The following DOP1B variants were observed in gnomAD, a reference collection of about 807,000 sequenced individuals.
DOP1B encodes the protein DOP1 leucine zipper like protein B.
DOP1B carries 174 observed loss-of-function variants against 233.5 expected under a neutral mutation model. The ratio of observed to expected loss-of-function variants is 0.75; its 90% CI spans 0.66 to 0.85. The LOEUF (loss-of-function observed/expected upper bound fraction) is 0.85. Ranked by LOEUF, DOP1B falls within the 40% of genes least tolerant of loss-of-function variation. DOP1B has a pLI of 0.00. For synonymous variants in DOP1B, 1,190 were observed against 1,185.6 expected (o/e 1.00, Z -0.08); for missense variants, 2,652 against 2,846.6 (o/e 0.93, Z 1.56).
chr21:36,227,550 A>AAAAAG lies in DOP1B; in HGVS notation c.1474-133_1474-132insAGAAA, dbSNP rs1555892258. ...CTACAGAGCAAGACTCTGTCAAAAA[A>AAAAAG]AAAGAAAGAAAGAAAGAAAGAAAAT... On this transcript the variant is annotated intron_variant, in intron 12 of 36. Transcript: ENST00000691173. The AAAAAG allele has an allele frequency of 6.9e-5, 58 of 846,444 alleles. 1 individual carries two copies. In the Middle Eastern group the frequency reaches 2.0e-3, roughly 28 times the overall value. The allele number at this position is 846,444 out of a possible 1,614,324, so 52.4% of individuals were successfully genotyped here. A position where few individuals can be genotyped will look rare whatever the true frequency, so the allele number is the denominator to read the frequency against.
intron 9 of DOP1B, among the ~76,000 whole-genome samples, chr21:36,215,297 C>T (rs902740482): frequency 1.8e-4 from 28 of 152,090 alleles, no homozygotes; most frequent in African/African-American, 5.1e-4. Flanking sequence ...GAGGGTTGAA[C>T]TAGACTCTGG....
chr21:36,242,151 C>CATTATTGTTGTTGTTGTTATT (rs60892353), intron 18 of DOP1B, among the ~76,000 whole-genome samples: 2 of 143,962 alleles, frequency 1.4e-5, no homozygotes, highest in Non-Finnish European at 3.0e-5. Flanking sequence ...GTTCCTTGGG[C>CATTATTGTTGTTGTTGTTATT]ATTATTATTA....
intron 2 of DOP1B, among the ~76,000 whole-genome samples, chr21:36,184,751 C>T (rs1157167829): frequency 3.9e-5 from 6 of 152,188 alleles, no homozygotes; most frequent in African/African-American, 1.4e-4. Flanking sequence ...AGCCCACGTG[C>T]GCTTCAGGTG....
intron 32 of DOP1B, among the ~76,000 whole-genome samples, chr21:36,287,559 CAA>C (rs1377729016): frequency 7.3e-6 from 1 of 137,140 alleles, no homozygotes; most frequent in Non-Finnish European, 1.6e-5. Context: ...ACTAGTTGCA[CAA>C]AAGCATCTCC....
At chr21:36,223,502 G>T (rs2066649356) in intron 11 of DOP1B, 152 bp downstream of exon 11, 1 of 1,013,642 alleles carries the variant, frequency 9.9e-7, no homozygotes, top group South Asian at 1.8e-5. Context: ...GGATTGGAAA[G>T]AATTCACTTA....
intron 18 of DOP1B, among the ~76,000 whole-genome samples, chr21:36,243,995 G>A (rs1257841777): frequency 7.5e-6 from 1 of 133,098 alleles, no homozygotes; most frequent in African/African-American, 2.9e-5. Context: ...ATAATTCACT[G>A]TACCTGGCCT....
chr21:36,260,669 A>C lies in DOP1B; in HGVS notation c.5260-8A>C. 6.2e-7 allele frequency: 1 copy of C among 1,613,648 alleles called. No homozygotes were observed. Among genetic ancestry groups the C allele is most frequent in the Non-Finnish European group, 8.5e-7 (1 of 1,179,888 alleles). On this transcript the variant is annotated splice_polypyrimidine_tract_variant and splice_region_variant and intron_variant, in intron 23 of 36. Transcript: ENST00000691173. Reference sequence around the variant, plus strand: ...ACTCGGAGTAATTGGTTTTACTTTCATTTTCAGAAATCGCCCCTAGTGGAC... The same window carrying C: ...ACTCGGAGTAATTGGTTTTACTTTCCTTTTCAGAAATCGCCCCTAGTGGAC...
intron 14 of DOP1B, among the ~76,000 whole-genome samples, chr21:36,231,562 C>A (rs1026507308): frequency 6.6e-6 from 1 of 152,166 alleles, no homozygotes; most frequent in Non-Finnish European, 1.5e-5. Context: ...TGTTTTTAAA[C>A]CCTGGGTGTC....
At chr21:36,257,730 A>ATAGATGTAGGTAGGTAGG (rs1325875046) in intron 23 of DOP1B, among the ~76,000 whole-genome samples, 3 of 149,622 alleles carry the variant, frequency 2.0e-5, no homozygotes, top group South Asian at 2.1e-4. Flanking sequence ...AGGTAGGTAG[A>ATAGATGTAGGTAGGTAGG]TAGATGTAGG....
chr21:36,178,653 A>G (rs1032397288), intron 2 of DOP1B, among the ~76,000 whole-genome samples: 5 of 152,238 alleles, frequency 3.3e-5, no homozygotes, highest in Non-Finnish European at 7.3e-5. Flanking sequence ...GGGCCAACTA[A>G]TACAGAAGGA....
chr21:36,169,911 C>A (rs1236964287), intron 2 of DOP1B: 1 of 774,604 alleles, frequency 1.3e-6, no homozygotes, highest in African/African-American at 1.7e-5. Context: ...CCACGTAGCC[C>A]GCAATGCCCA....
chr21:36,205,352 T>TG (rs2066415280), intron 4 of DOP1B, among the ~76,000 whole-genome samples: 1 of 151,834 alleles, frequency 6.6e-6, no homozygotes, highest in African/African-American at 2.4e-5. Flanking sequence ...GTTTGGAAGT[T>TG]GGGTTTTTTT....
intron 2 of DOP1B, among the ~76,000 whole-genome samples, chr21:36,191,370 A>G (rs1400435191): frequency 6.6e-6 from 1 of 152,144 alleles, no homozygotes; most frequent in Non-Finnish European, 1.5e-5. Flanking sequence ...TTAAAGATTG[A>G]AAGCTCACTC....
At chr21:36,262,907 A>G (rs1353566693) in intron 24 of DOP1B, among the ~76,000 whole-genome samples, 1 of 147,764 alleles carries the variant, frequency 6.8e-6, no homozygotes, top group Non-Finnish European at 1.5e-5. Flanking sequence ...CAATAATAAA[A>G]TAAATAAATA....
chr21:36,182,156 A>G (rs1490185745), intron 2 of DOP1B, among the ~76,000 whole-genome samples: 1 of 152,132 alleles, frequency 6.6e-6, no homozygotes, highest in Non-Finnish European at 1.5e-5. Context: ...GATTTGTGGA[A>G]TGCAGGAAGG....
chr21:36,160,041 T>C (rs777355446), intron 1 of DOP1B, among the ~76,000 whole-genome samples: 2 of 152,204 alleles, frequency 1.3e-5, no homozygotes, highest in Non-Finnish European at 2.9e-5. Flanking sequence ...CCCCCATGTT[T>C]AGACACTTAG....
rs1489989315 is a variant in DOP1B at position 36,245,831 on chromosome 21, G to A, written c.3851G>A (p.Arg1284His). The A allele has an allele frequency of 1.3e-5, 21 of 1,613,584 alleles. No homozygotes were observed. The highest frequency in any genetic ancestry group is 1.6e-4 in the Middle Eastern group (1 of 6,084). ...AACCTCATCTCCAACCTCCTCGCTC[G>A]CCACCAGGAGGCCCTCATTGGCCAG... is the stretch of plus-strand genomic sequence containing the variant. Reference protein sequence around the residue: ...HLNLISNLLARHQEALIGQSF... With the variant: ...HLNLISNLLAHHQEALIGQSF... Residue 1284 changes from arginine to histidine, a missense_variant, in exon 19 of 37, where the codon CGC becomes CAC. Physicochemically the swap from Arg to His is conservative, Grantham distance 29. Transcript: ENST00000691173. The surrounding 1 kb of genome is among the most constrained non-coding windows in gnomAD (Gnocchi z 5.5).
In DOP1B at chr21:36,181,205, T is replaced by C. The variant is rs2066094608; in HGVS notation, c.138+16334T>C. ...AAGTTTATCCTCACTCATGTATCAG[T>C]TAAGCATGTTATTCAGATGGGTGGG... is the stretch of plus-strand genomic sequence containing the variant. On this transcript the variant is annotated intron_variant, in intron 2 of 36. Transcript: ENST00000691173. Among the ~76,000 whole-genome samples, 5 of 152,176 alleles carry C rather than the reference T, an allele frequency of 3.3e-5. No homozygotes were observed. In the South Asian group the frequency reaches 8.3e-4, roughly 25 times the overall value.
Position 36,245,005 on chromosome 21 carries a change from T to C in DOP1B, c.3068-43T>C. ...CGCCCTACAGCTAATGTATCATAGC[T>C]GACCCTTCTGTCTAAAGTCATTTGT... On this transcript the variant is annotated intron_variant, in intron 18 of 36. Coordinates refer to ENST00000691173, the MANE Select transcript of DOP1B (RefSeq NM_001320714.2). The surrounding 1 kb of genome is among the most constrained non-coding windows in gnomAD (Gnocchi z 5.5). 6.5e-7 allele frequency: 1 copy of C among 1,549,364 alleles called. No individual in the cohort carries two copies. The highest frequency in any genetic ancestry group is 1.2e-5 in the South Asian group (1 of 81,102).
Sources: allele counts gnomAD v4.1 joint callset (sites outside exome capture counted in the v4.1 genomes callset), GRCh38; gene constraint gnomAD v4.1.1; non-coding constraint Gnocchi (gnomAD v3.1); transcripts MANE v1.5; gene names NCBI Gene and HGNC (gene_info 2026-07-23, HGNC 2026-07-21).